The following VWA3B variants were observed in gnomAD, a reference collection of about 807,000 sequenced individuals.
VWA3B encodes von Willebrand factor A domain containing 3B, also known as von Willebrand factor A domain-containing protein 3B.
VWA3B carries 138 observed loss-of-function variants against 158.3 expected under a neutral mutation model. That is an observed-to-expected ratio of 0.87 (90% confidence interval 0.76 to 1.00). The LOEUF (loss-of-function observed/expected upper bound fraction) is 1.00, where lower values mean the gene tolerates loss of function less well. Among genes scored for constraint, VWA3B ranks in the 50% least tolerant of loss-of-function variants. VWA3B has a pLI of 0.00. For synonymous variants in VWA3B, 596 were observed against 587.3 expected (o/e 1.01, Z -0.21); for missense variants, 1,555 against 1,565.1 (o/e 0.99, Z 0.11).
intron 24 of VWA3B, among the ~76,000 whole-genome samples, chr2:98,298,251 T>C (rs1689939212): frequency 6.6e-6 from 1 of 152,162 alleles, no homozygotes; most frequent in Non-Finnish European, 1.5e-5. Flanking sequence ...GTTATGTAGC[T>C]CAGGGCTGCA....
the VWA3B span, among the ~76,000 whole-genome samples, chr2:98,319,406 C>A: frequency 6.6e-6 from 1 of 152,020 alleles, no homozygotes; most frequent in African/African-American, 2.4e-5. Context: ...CACTAAATAG[C>A]AGACAAAGGG....
chr2:98,305,668 T>C (rs1016728114), intron 26 of VWA3B, among the ~76,000 whole-genome samples: 6 of 152,082 alleles, frequency 3.9e-5, no homozygotes, highest in African/African-American at 1.4e-4. Flanking sequence ...TACCCACAAG[T>C]CACGGAGCTG....
chr2:98,316,118 T>C (rs375251018), downstream of VWA3B, among the ~76,000 whole-genome samples: 49 of 152,338 alleles, frequency 3.2e-4, no homozygotes, highest in East Asian at 5.2e-3. Flanking sequence ...ACTTTGTTTT[T>C]GTGTGTTTCT....
intron 14 of VWA3B, among the ~76,000 whole-genome samples, chr2:98,220,904 A>G (rs1684437903): frequency 6.6e-6 from 1 of 152,110 alleles, no homozygotes; most frequent in African/African-American, 2.4e-5. Context: ...CTCACTTATA[A>G]GTGGGAGCCG....
downstream of VWA3B, among the ~76,000 whole-genome samples, chr2:98,317,312 AC>A (rs1175188002): frequency 6.7e-6 from 1 of 149,092 alleles, no homozygotes; most frequent in Non-Finnish European, 1.5e-5. Context: ...AAAGTGGTAA[AC>A]CAAAAATAAA....
At chr2:98,156,579 G>A (rs1026628998) in intron 7 of VWA3B, among the ~76,000 whole-genome samples, 8 of 151,828 alleles carry the variant, frequency 5.3e-5, no homozygotes, top group Non-Finnish European at 1.0e-4. Context: ...CCCTGCCACC[G>A]TCTTTGTTAT....
chr2:98,256,205 T>TC, intron 21 of VWA3B, 31 bp downstream of exon 21: 1 of 1,606,064 alleles, frequency 6.2e-7, no homozygotes, highest in Non-Finnish European at 8.5e-7. Context: ...CTCACTTTTT[T>TC]TTTTTGGTGA....
intron 19 of VWA3B, among the ~76,000 whole-genome samples, chr2:98,247,735 A>G (rs1686492175): frequency 6.6e-6 from 1 of 152,012 alleles, no homozygotes. Flanking sequence ...TCTTATGATG[A>G]TGTGTCTATG....
chr2:98,218,120 C>A, intron 14 of VWA3B, 92 bp downstream of exon 14: 3 of 1,356,478 alleles, frequency 2.2e-6, no homozygotes, highest in South Asian at 1.5e-5. Context: ...GGGAAAATAG[C>A]AACCATAGAG....
At chr2:98,134,522 T>A (rs1676118844) in intron 7 of VWA3B, among the ~76,000 whole-genome samples, 1 of 152,152 alleles carries the variant, frequency 6.6e-6, no homozygotes, top group African/African-American at 2.4e-5. Flanking sequence ...GGAAGGTTAC[T>A]CAGAAAGCCA....
intron 22 of VWA3B, among the ~76,000 whole-genome samples, chr2:98,282,906 A>C (rs1319112944): frequency 2.6e-5 from 4 of 152,130 alleles, no homozygotes; most frequent in Non-Finnish European, 4.4e-5. Flanking sequence ...CATTGCTACC[A>C]TTCACTGTCA....
Position 98,217,871 on chromosome 2 carries a change from T to C in VWA3B, c.1862T>C (p.Val621Ala). 6.2e-7 allele frequency: 1 copy of C among 1,609,804 alleles called. No homozygotes were observed. Residue 621 changes from valine to alanine, a missense_variant, in exon 14 of 28, where the codon GTC becomes GCC. Physicochemically the swap from Val to Ala is moderately conservative, Grantham distance 64 (BLOSUM62 0). Coordinates refer to ENST00000477737, the MANE Select transcript of VWA3B (RefSeq NM_144992.5). ...CCACCTGAAACAGTTATAGACCAGGTCAAACGTTTTCAGGAAATTCCTATT... is the reference window on the plus strand; with the variant it reads ...CCACCTGAAACAGTTATAGACCAGGCCAAACGTTTTCAGGAAATTCCTATT... Reference protein sequence around the residue: ...DQPPETVIDQVKRFQEIPIYT... With the variant: ...DQPPETVIDQAKRFQEIPIYT...
chr2:98,262,799 A>G (rs1374219240), intron 21 of VWA3B, among the ~76,000 whole-genome samples: 1 of 151,858 alleles, frequency 6.6e-6, no homozygotes, highest in Non-Finnish European at 1.5e-5. Context: ...AAATTTTAGG[A>G]TCTTTTTGTA....
At chr2:98,214,146 G>A (rs1574098449) in intron 13 of VWA3B, among the ~76,000 whole-genome samples, 2 of 151,622 alleles carry the variant, frequency 1.3e-5, no homozygotes, top group African/African-American at 4.9e-5. Context: ...AGCTATGATC[G>A]TGCTACTGCA....
chr2:98,106,820 A>ATTTC (rs1673700042), intron 2 of VWA3B, among the ~76,000 whole-genome samples: 2 of 151,980 alleles, frequency 1.3e-5, no homozygotes, highest in East Asian at 3.9e-4. Flanking sequence ...GAAAAGTCTT[A>ATTTC]TTTCTTTCTT....
chr2:98,314,957 G>A (rs1449999778), downstream of VWA3B, among the ~76,000 whole-genome samples: 3 of 150,958 alleles, frequency 2.0e-5, no homozygotes, highest in African/African-American at 4.9e-5. Context: ...GAACCCAGGA[G>A]GTTACTCCGG....
chr2:98,115,603 G>A (rs748929148), intron 2 of VWA3B, 49 bp from the exon 3 acceptor site: 2 of 1,408,026 alleles, frequency 1.4e-6, no homozygotes, highest in African/African-American at 1.4e-5. Context: ...AAATAGGAAG[G>A]TTCACTCATG....
intron 7 of VWA3B, among the ~76,000 whole-genome samples, chr2:98,159,543 C>G (rs1489238615): frequency 6.6e-6 from 1 of 152,094 alleles, no homozygotes; most frequent in African/African-American, 2.4e-5. Flanking sequence ...GCCACTGCGC[C>G]CGGCCTTCAA....
chr2:98,159,744 C>T (rs1476885352), intron 7 of VWA3B, among the ~76,000 whole-genome samples: 3 of 151,610 alleles, frequency 2.0e-5, no homozygotes, highest in South Asian at 2.1e-4. Flanking sequence ...TGGTTGGGCA[C>T]GGTGGCTCAT....
Sources: allele counts gnomAD v4.1 joint callset (sites outside exome capture counted in the v4.1 genomes callset), GRCh38; gene constraint gnomAD v4.1.1; transcripts MANE v1.5; gene names NCBI Gene and HGNC (gene_info 2026-07-23, HGNC 2026-07-21).